The following SGCD variants were observed in gnomAD, a reference collection of about 807,000 sequenced individuals.
SGCD encodes sarcoglycan delta.
A neutral mutation model predicts 36.6 loss-of-function variants in SGCD; 18 were observed. The ratio of observed to expected loss-of-function variants is 0.49; its 90% CI spans 0.34 to 0.73. The LOEUF (loss-of-function observed/expected upper bound fraction) is 0.73, where lower values mean the gene tolerates loss of function less well. Among genes scored for constraint, SGCD ranks in the 30% least tolerant of loss-of-function variants. The probability of loss-of-function intolerance (pLI) is 0.01; values close to 1 mark genes in which losing one functional copy is unlikely to be tolerated. For missense variants in SGCD, 387 were observed against 346.7 expected, an observed-to-expected ratio of 1.12 and a Z score of -0.92; for synonymous variants, 133 against 130.6, an observed-to-expected ratio of 1.02 and a Z score of -0.12.
At chr5:156,515,843 G>A (rs1757134444) in intron 4 of SGCD, among the ~76,000 whole-genome samples, 1 of 152,232 alleles carries the variant, frequency 6.6e-6, no homozygotes, top group South Asian at 2.1e-4. Context: ...TGGTGCCCTG[G>A]AGACTAGGTG....
Position 155,920,402 on chromosome 5 carries a change from A to C in SGCD, c.-282+49978A>C, listed in dbSNP as rs777883553. On this transcript the variant is annotated intron_variant, in intron 1 of 9. Transcript: ENST00000517913. ...TATTAGTGGAGAAGAAAAGGAGGAG[A>C]AGGGAGTTTATAGGGGAGTATGATG... Among the ~76,000 whole-genome samples, 8 of 152,106 alleles carry C rather than the reference A, an allele frequency of 5.3e-5. 1 individual carries two copies. The highest frequency in any genetic ancestry group is 4.2e-4 in the South Asian group (2 of 4,810).
In SGCD at chr5:156,230,203, T is replaced by G. The variant is rs184177885; in HGVS notation, c.-43-99331T>G. ...GTAAATCAGGGGTTTCTTCTTGGTT[T>G]GGATCCATTGCTGGTGAGCTAGTGG... is the stretch of plus-strand genomic sequence containing the variant. On this transcript the variant is annotated intron_variant, in intron 3 of 9. Transcript: ENST00000517913. Among the ~76,000 whole-genome samples the G allele has an allele frequency of 2.4e-3, 370 of 152,300 alleles. 2 individuals are homozygous for G. Among genetic ancestry groups the G allele is most frequent in the African/African-American group, 8.5e-3 (352 of 41,564 alleles).
chr5:155,907,302 A>G (rs1594655), intron 1 of SGCD, among the ~76,000 whole-genome samples: 19,550 of 152,106 alleles, frequency 0.13, 2,186 homozygotes, highest in Admixed American at 0.35. Flanking sequence ...GTACAAGGAG[A>G]TGAGTGTTGC....
intron 3 of SGCD, among the ~76,000 whole-genome samples, chr5:156,388,376 G>T (rs1202792552): frequency 6.6e-6 from 1 of 152,138 alleles, no homozygotes; most frequent in Non-Finnish European, 1.5e-5. Context: ...GTCATTCAAC[G>T]ACCAGATGCC....
chr5:156,630,109 C>T (rs573617132), intron 6 of SGCD, among the ~76,000 whole-genome samples: 74 of 151,976 alleles, frequency 4.9e-4, no homozygotes, highest in Admixed American at 4.6e-4. Context: ...GTGATCCACC[C>T]GCCTCAGCCT....
chr5:156,592,561 G>A (rs1337927037), intron 5 of SGCD, among the ~76,000 whole-genome samples: 1 of 151,914 alleles, frequency 6.6e-6, no homozygotes, highest in Non-Finnish European at 1.5e-5. Context: ...GGCTCTTCCA[G>A]ATGTGCTGGC....
chr5:156,415,019 C>A (rs1472105170), intron 3 of SGCD, among the ~76,000 whole-genome samples: 1 of 152,026 alleles, frequency 6.6e-6, no homozygotes, highest in Admixed American at 6.6e-5. Flanking sequence ...GAGGCAGAAA[C>A]CAGAAGTACA....
Position 156,516,706 on chromosome 5 carries a change from G to A in SGCD, c.294+8004G>A, listed in dbSNP as rs79761934. Among the ~76,000 whole-genome samples, 1,852 of 152,256 alleles carry A rather than the reference G, an allele frequency of 0.012. 93 individuals are homozygous for A. In the East Asian group the frequency reaches 0.17, roughly 14 times the overall value. On this transcript the variant is annotated intron_variant, in intron 4 of 8. Transcript: ENST00000337851. ...GACATAAGTAGGCTTCAGAAGGTGG[G>A]TAATAATGGGCTGGACGAGGTGGCT...
chr5:155,882,404 A>G (rs568340484), intron 1 of SGCD, among the ~76,000 whole-genome samples: 5 of 152,280 alleles, frequency 3.3e-5, no homozygotes, highest in African/African-American at 1.2e-4. Context: ...GACATCTAGC[A>G]TGGTGAATTA....
intron 3 of SGCD, among the ~76,000 whole-genome samples, chr5:156,380,209 C>T (rs542313493): frequency 6.6e-6 from 1 of 152,138 alleles, no homozygotes; most frequent in South Asian, 2.1e-4. Flanking sequence ...TCTGTGTTCC[C>T]TCTGGGTCTC....
chr5:156,713,051 G>A (rs1264429215), intron 7 of SGCD, among the ~76,000 whole-genome samples: 1 of 152,008 alleles, frequency 6.6e-6, no homozygotes, highest in East Asian at 1.9e-4. Context: ...CAGCTGTGAG[G>A]GACCCAACAA....
intron 3 of SGCD, among the ~76,000 whole-genome samples, chr5:156,434,549 G>A (rs1161886793): frequency 3.3e-5 from 5 of 152,114 alleles, no homozygotes; most frequent in Non-Finnish European, 7.3e-5. Flanking sequence ...CTGCAAACCC[G>A]GCCAGCGATG....
intron 7 of SGCD, among the ~76,000 whole-genome samples, chr5:156,719,927 G>A (rs1046608745): frequency 1.3e-5 from 2 of 151,420 alleles, no homozygotes; most frequent in African/African-American, 2.4e-5. Flanking sequence ...GGATTACACA[G>A]TTCTCCTTAA....
chr5:156,208,137 T>C (rs78002512), intron 3 of SGCD, among the ~76,000 whole-genome samples: 415 of 152,320 alleles, frequency 2.7e-3, no homozygotes, highest in African/African-American at 8.3e-3. Flanking sequence ...ATATTTATAA[T>C]CAGTGGAATT....
At chr5:156,351,972 T>C (rs1438739525) in intron 3 of SGCD, among the ~76,000 whole-genome samples, 1 of 152,144 alleles carries the variant, frequency 6.6e-6, no homozygotes, top group Non-Finnish European at 1.5e-5. Flanking sequence ...AGTATACCAC[T>C]AAATGCATTG....
rs1003817908 is a variant in SGCD, at chr5:156,207,801, C to A, written c.-44+83782C>A. ...AAGTGTTCTTTATCTACATTTGTAA[C>A]TGTGCAACAAAAATTTTATATATAT... On this transcript the variant is annotated intron_variant, in intron 3 of 9. Transcript: ENST00000517913. Among the ~76,000 whole-genome samples the A allele has an allele frequency of 3.9e-5, 6 of 152,138 alleles. No homozygotes were observed. The East Asian group carries it at 1.2e-3, about 29-fold the overall frequency.
At chr5:156,547,451 T>TC (rs1561770323) in intron 4 of SGCD, among the ~76,000 whole-genome samples, 1 of 151,722 alleles carries the variant, frequency 6.6e-6, no homozygotes, top group African/African-American at 2.4e-5. Flanking sequence ...CTTTTTTTTT[T>TC]TTTTCTTTTG....
intron 1 of SGCD, among the ~76,000 whole-genome samples, chr5:155,913,484 A>C (rs1756673778): frequency 6.6e-6 from 1 of 152,170 alleles, no homozygotes; most frequent in Non-Finnish European, 1.5e-5. Flanking sequence ...AAATCCACTT[A>C]ACATCAACCT....
In SGCD at chr5:156,173,803, T is replaced by G. The variant is rs1446480974; in HGVS notation, c.-44+49784T>G. 2.1e-5 allele frequency among the ~76,000 whole-genome samples: 3 copies of G among 144,012 alleles called. No homozygotes were observed. The East Asian group carries it at 6.5e-4, about 31-fold the overall frequency. The allele number at this position is 144,012 out of a possible 152,430, so 94.5% of individuals were successfully genotyped here. A position where few individuals can be genotyped will look rare whatever the true frequency, so the allele number is the denominator to read the frequency against. ...TTATACTTACCTTGACCTTTCATGC[T>G]TATCCTTTTGATAGTAAATTAAAAA... On this transcript the variant is annotated intron_variant, in intron 3 of 9. Coordinates refer to the SGCD transcript ENST00000517913.
Sources: allele counts gnomAD v4.1 joint callset (sites outside exome capture counted in the v4.1 genomes callset), GRCh38; gene constraint gnomAD v4.1.1; transcripts MANE v1.5; gene names NCBI Gene and HGNC (gene_info 2026-07-23, HGNC 2026-07-21).